The following ETFA variants were observed in gnomAD, a reference collection of about 807,000 sequenced individuals.
ETFA encodes the protein electron transfer flavoprotein subunit alpha, mitochondrial.
A neutral mutation model predicts 46.2 loss-of-function variants in ETFA; 22 were observed. The observed-to-expected ratio is 0.48, with a 90% CI of 0.34 to 0.68. The LOEUF (loss-of-function observed/expected upper bound fraction) is 0.68, where lower values mean the gene tolerates loss of function less well. Among genes scored for constraint, ETFA ranks in the 30% least tolerant of loss-of-function variants. The probability of loss-of-function intolerance (pLI) is 0.01; values close to 1 mark genes in which losing one functional copy is unlikely to be tolerated. For synonymous variants in ETFA, 131 were observed against 139.9 expected, an observed-to-expected ratio of 0.94 and a Z score of 0.45; for missense variants, 345 against 401.1, an observed-to-expected ratio of 0.86 and a Z score of 1.19.
rs868072078 is a variant in ETFA, at chr15:76,266,338, G to C, written c.816+8074C>G. Among the ~76,000 whole-genome samples the C allele has an allele frequency of 8.5e-5, 13 of 152,276 alleles. No homozygotes were observed. In the Middle Eastern group the frequency reaches 0.01, roughly 120 times the overall value. On this transcript the variant is annotated intron_variant, in intron 9 of 11. Coordinates refer to ENST00000557943, the MANE Select transcript of ETFA (RefSeq NM_000126.4). ...TGCACAGGTATCATTGGAAAGTACT[G>C]CCACAAGGCATATTAAATAGCCCGA... is the stretch of plus-strand genomic sequence containing the variant.
rs144306090 is a variant in ETFA, at chr15:76,258,432, C to T, written c.816+15980G>A. Among the ~76,000 whole-genome samples, 595 of 152,244 alleles carry T rather than the reference C, an allele frequency of 3.9e-3. 3 individuals carry two copies. Among genetic ancestry groups the T allele is most frequent in the African/African-American group, 0.013 (556 of 41,544 alleles). On this transcript the variant is annotated intron_variant, in intron 9 of 11. Coordinates refer to ENST00000557943, the MANE Select transcript of ETFA (RefSeq NM_000126.4). Reference sequence around the variant, plus strand: ...AACTTCTCCTGGCCTAGACAGGGTACGGAATCAGAAAAGTGATGAAGATTC... The same window carrying T: ...AACTTCTCCTGGCCTAGACAGGGTATGGAATCAGAAAAGTGATGAAGATTC...
At chr15:76,273,190 C>T (rs1238019158) in intron 9 of ETFA, among the ~76,000 whole-genome samples, 1 of 152,084 alleles carries the variant, frequency 6.6e-6, no homozygotes, top group South Asian at 2.1e-4. Flanking sequence ...ATATAAAAAA[C>T]TCCTACAAAG....
At position 76,260,666 on chromosome 15, in the gene ETFA, G is replaced by A. The variant is rs867571258; in HGVS notation, c.816+13746C>T. 5.4e-5 allele frequency: 85 copies of A among 1,577,572 alleles called. No individual in the cohort carries two copies. The South Asian group carries it at 6.8e-4, about 13-fold the overall frequency. On this transcript the variant is annotated intron_variant, in intron 9 of 11. Coordinates refer to ENST00000557943, the MANE Select transcript of ETFA (RefSeq NM_000126.4). ...CCAGGGGGCCTTCCAAAGGGCCCTC[G>A]GGGATCACTTCTTCCCACTCCAAGA...
intron 1 of ETFA, among the ~76,000 whole-genome samples, chr15:76,305,400 T>G (rs2039929961): frequency 1.3e-5 from 2 of 152,216 alleles, no homozygotes; most frequent in South Asian, 2.1e-4. Flanking sequence ...AAAAAGCAAC[T>G]GTTTCCTCAT....
rs773298687 is a variant in ETFA at position 76,295,699 on chromosome 15, A to G, written c.78T>C (p.Ala26=). 4 of 1,613,274 alleles carry G rather than the reference A, an allele frequency of 2.5e-6. No homozygotes were observed. Among genetic ancestry groups the G allele is most frequent in the African/African-American group, 2.7e-5 (2 of 74,752 alleles). Residue 26 remains alanine, a synonymous_variant, in exon 2 of 12, where the codon GCT becomes GCC. Transcript: ENST00000557943. ...GTGCTAGGGAATCATTTGCATGCTCAGCTATTACCAGGGTACTCTGAAATC... is the reference window on the plus strand; with the variant it reads ...GTGCTAGGGAATCATTTGCATGCTCGGCTATTACCAGGGTACTCTGAAATC... ...LLRFQSTLVI[A]EHANDSLAPI...
chr15:76,291,128 A>C (rs1203761736), intron 4 of ETFA, among the ~76,000 whole-genome samples: 1 of 152,090 alleles, frequency 6.6e-6, no homozygotes, highest in Non-Finnish European at 1.5e-5. Flanking sequence ...GGATAGGAGG[A>C]TCGTTTGAGC....
intron 9 of ETFA, among the ~76,000 whole-genome samples, chr15:76,238,023 A>C (rs1424748160): frequency 1.3e-5 from 2 of 152,228 alleles, no homozygotes; most frequent in African/African-American, 2.4e-5. Context: ...GCAAGGATAC[A>C]TATCCCAGAT....
At position 76,281,850 on chromosome 15, in the gene ETFA, T is replaced by C. The variant is rs184675126; in HGVS notation, c.733+1907A>G. Among the ~76,000 whole-genome samples, 54 of 151,282 alleles carry C rather than the reference T, an allele frequency of 3.6e-4. No individual in the cohort carries two copies. The East Asian group carries it at 9.1e-3, about 26-fold the overall frequency. On this transcript the variant is annotated intron_variant, in intron 8 of 11. Transcript: ENST00000557943. ...TAAAGCTAAGGATCTTGAGAGGGAG[T>C]TTATCCTGGATTATCTACATGGGCC...
At chr15:76,247,030 C>A (rs1037698346) in intron 9 of ETFA, among the ~76,000 whole-genome samples, 10 of 152,102 alleles carry the variant, frequency 6.6e-5, no homozygotes, top group Admixed American at 6.5e-5. Flanking sequence ...ACTGCCTAAA[C>A]AAGTGGAGAA....
chr15:76,277,432 T>C (rs2039604121), intron 8 of ETFA, among the ~76,000 whole-genome samples: 1 of 152,042 alleles, frequency 6.6e-6, no homozygotes, highest in South Asian at 2.1e-4. Flanking sequence ...GAAGAGCTCC[T>C]GAAGGTAAAA....
chr15:76,234,708 G>A (rs865888871), intron 9 of ETFA, among the ~76,000 whole-genome samples: 1 of 152,202 alleles, frequency 6.6e-6, no homozygotes, highest in Non-Finnish European at 1.5e-5. Context: ...ATAGCAGTCT[G>A]AGTTGATCAC....
rs34309169 is a variant in ETFA, at chr15:76,281,897, C to CTTT, written c.733+1857_733+1859dup. Among the ~76,000 whole-genome samples, 107 of 78,058 alleles carry CTTT rather than the reference C, an allele frequency of 1.4e-3. 3 individuals are homozygous for CTTT. The highest frequency in any genetic ancestry group is 3.4e-3 in the South Asian group (6 of 1,790). 51.2% of individuals were successfully genotyped at this position (78,058 alleles called of 152,430 possible). A position where few individuals can be genotyped will look rare whatever the true frequency, so the allele number is the denominator to read the frequency against. On this transcript the variant is annotated intron_variant, in intron 8 of 11. Transcript: ENST00000557943. ...GGCCCTAAATGCCATTACACGTATC[C>CTTT]TTTTTTTTTTTTTTTTTTTTTTTCC...
chr15:76,292,860 G>A (rs146055598), intron 2 of ETFA, among the ~76,000 whole-genome samples, 160 bp from the exon 3 acceptor site: 80 of 152,280 alleles, frequency 5.3e-4, no homozygotes, highest in African/African-American at 1.8e-3. Context: ...TATTCCGGCC[G>A]GGCGCAGTGG....
intron 4 of ETFA, among the ~76,000 whole-genome samples, chr15:76,289,449 T>A (rs1056521246): frequency 1.7e-4 from 26 of 152,242 alleles, no homozygotes; most frequent in African/African-American, 6.3e-4. Context: ...CAAAATTTAA[T>A]GTCTTTTGTA....
intron 9 of ETFA, 67 bp downstream of exon 9, chr15:76,274,345 T>C: frequency 8.2e-7 from 1 of 1,226,500 alleles, no homozygotes; most frequent in East Asian, 2.5e-5. Context: ...GAGATCACTG[T>C]TCAACAAATA....
chr15:76,261,263 C>A (rs2039409399), intron 9 of ETFA: 1 of 1,572,778 alleles, frequency 6.4e-7, no homozygotes, highest in Non-Finnish European at 8.7e-7. Flanking sequence ...GGTGGCACTG[C>A]CAGATCTTTT....
At chr15:76,233,605 G>A (rs1402740112) in intron 9 of ETFA, among the ~76,000 whole-genome samples, 3 of 152,150 alleles carry the variant, frequency 2.0e-5, no homozygotes, top group Admixed American at 2.0e-4. Context: ...TGGGATTACT[G>A]GCATGAGCCA....
At chr15:76,309,408 G>A (rs1198654803) in intron 1 of ETFA, among the ~76,000 whole-genome samples, 13 of 152,118 alleles carry the variant, frequency 8.5e-5, no homozygotes, top group Non-Finnish European at 1.3e-4. Flanking sequence ...CTGAGATCGC[G>A]CCACTGCACT....
chr15:76,246,383 A>T (rs932900798), intron 9 of ETFA, among the ~76,000 whole-genome samples: 1 of 152,338 alleles, frequency 6.6e-6, no homozygotes, highest in South Asian at 2.1e-4. Flanking sequence ...TGCCTATTGT[A>T]GGGAACTTTT....
Sources: gnomAD v4.1 joint callset for allele counts (sites outside exome capture counted in the v4.1 genomes callset) on GRCh38, gnomAD v4.1.1 for gene constraint, MANE v1.5 for transcripts, NCBI Gene and HGNC (gene_info 2026-07-23, HGNC 2026-07-21) for gene names.